ORC5: variants seen among roughly 807,000 people sequenced by gnomAD.
The protein encoded by ORC5 is origin recognition complex subunit 5.
A neutral mutation model predicts 58.8 loss-of-function variants in ORC5; 39 were observed. That is an observed-to-expected ratio of 0.66 (90% CI 0.51 to 0.87). ORC5 has a LOEUF of 0.87. Ranked by LOEUF, ORC5 falls within the 40% of genes least tolerant of loss-of-function variation. The pLI, the probability that ORC5 is intolerant of heterozygous loss-of-function variation, is 0.00. For synonymous variants in ORC5, 218 were observed against 177.6 expected, an observed-to-expected ratio of 1.23 and a Z score of -1.81; for missense variants, 493 against 506.3, an observed-to-expected ratio of 0.97 and a Z score of 0.25.
chr7:104,157,184 C>T (rs564138426), intron 12 of ORC5, among the ~76,000 whole-genome samples: 194 of 151,916 alleles, frequency 1.3e-3, no homozygotes, highest in African/African-American at 4.3e-3. Flanking sequence ...GAGAAATACT[C>T]TTTGGATGAG....
chr7:104,198,261 G>A (rs1584523838), intron 3 of ORC5, among the ~76,000 whole-genome samples: 1 of 152,194 alleles, frequency 6.6e-6, no homozygotes, highest in Non-Finnish European at 1.5e-5. Flanking sequence ...AGGATGGAGG[G>A]CTCAGAAGAC....
At position 104,200,855 on chromosome 7, in the gene ORC5, C is replaced by T; in HGVS notation, c.269G>A (p.Cys90Tyr). 9 of 1,611,726 alleles carry T rather than the reference C, an allele frequency of 5.6e-6. No individual in the cohort carries two copies. Among genetic ancestry groups the T allele is most frequent in the Non-Finnish European group, 7.6e-6 (9 of 1,177,912 alleles). The change falls in exon 3 of 14, where the codon TGT becomes TAT. Residue 90 changes from cysteine (C) to tyrosine (Y), a missense_variant. Cys to Tyr is a radical substitution (Grantham distance 194). Coordinates refer to ENST00000297431, the MANE Select transcript of ORC5 (RefSeq NM_002553.4). ...LNHLSSSEDGCSTEITCETFN... is the reference protein window; with the variant it reads ...LNHLSSSEDGYSTEITCETFN... Reference sequence around the variant, plus strand: ...TGTTTCACAGGTTATTTCAGTAGAACATCCATCCTCTGAAGAACTAAGATG... The same window carrying T: ...TGTTTCACAGGTTATTTCAGTAGAATATCCATCCTCTGAAGAACTAAGATG...
In ORC5 at chr7:104,204,212, G is replaced by A. The variant is rs1800017609; in HGVS notation, c.95C>T (p.Ser32Phe). The change falls in exon 2 of 14, where the codon TCC becomes TTC. Residue 32 changes from serine to phenylalanine, a missense_variant. Coordinates refer to ENST00000297431, the MANE Select transcript of ORC5 (RefSeq NM_002553.4). ...AGCAGTATGTCCATAAATAAAAATGGATGGAAAGCTGAAATGATGTCTCTA... is the reference window on the plus strand; with the variant it reads ...AGCAGTATGTCCATAAATAAAAATGAATGGAAAGCTGAAATGATGTCTCTA... ...FGERHHFSFP[S>F]IFIYGHTASG... The A allele has an allele frequency of 1.3e-6, 2 of 1,598,706 alleles. No homozygotes were observed. The highest frequency in any genetic ancestry group is 1.2e-5 in the South Asian group (1 of 86,956).
intron 1 of ORC5, among the ~76,000 whole-genome samples, chr7:104,205,086 C>CT (rs10672012): frequency 0.044 from 4,355 of 99,372 alleles, 360 homozygotes; most frequent in African/African-American, 0.1. Flanking sequence ...TAATAATACT[C>CT]TTTTTTTTTT....
chr7:104,135,243 TTAGA>T (rs1321012033), intron 13 of ORC5, among the ~76,000 whole-genome samples: 2 of 152,220 alleles, frequency 1.3e-5, no homozygotes, highest in African/African-American at 4.8e-5. Flanking sequence ...ATAGAGGCTC[TTAGA>T]TATAAAGTTC....
chr7:104,156,556 G>A (rs1362155848), intron 12 of ORC5, among the ~76,000 whole-genome samples: 1 of 151,508 alleles, frequency 6.6e-6, no homozygotes, highest in East Asian at 1.9e-4. Context: ...ATAAACTTTT[G>A]CTTCAGGAGA....
At chr7:104,140,017 T>C (rs947358298) in intron 12 of ORC5, among the ~76,000 whole-genome samples, 2 of 152,096 alleles carry the variant, frequency 1.3e-5, no homozygotes, top group African/African-American at 4.8e-5. Context: ...CTTTTCATTA[T>C]AATAACCCTT....
chr7:104,179,533 A>T (rs1043788288), intron 8 of ORC5, among the ~76,000 whole-genome samples: 1 of 150,922 alleles, frequency 6.6e-6, no homozygotes, highest in Non-Finnish European at 1.5e-5. Flanking sequence ...ACTATATTAG[A>T]AAGAAGTTTT....
intron 8 of ORC5, among the ~76,000 whole-genome samples, chr7:104,170,951 C>T (rs542014407): frequency 2.0e-5 from 3 of 152,108 alleles, no homozygotes; most frequent in Non-Finnish European, 4.4e-5. Context: ...CAGTCCTTTC[C>T]TCAATGTCTC....
intron 12 of ORC5, among the ~76,000 whole-genome samples, chr7:104,150,637 G>A (rs915292282): frequency 2.0e-5 from 3 of 151,918 alleles, no homozygotes; most frequent in African/African-American, 7.3e-5. Flanking sequence ...AGCAACTGAA[G>A]ATAAAGCCTC....
At chr7:104,157,990 G>A (rs1428228366) in intron 12 of ORC5, among the ~76,000 whole-genome samples, 1 of 152,014 alleles carries the variant, frequency 6.6e-6, no homozygotes, top group East Asian at 1.9e-4. Flanking sequence ...TTGGAAATAA[G>A]ATATCAGGTG....
intron 5 of ORC5, among the ~76,000 whole-genome samples, chr7:104,192,113 A>G (rs1799689535): frequency 6.6e-6 from 1 of 152,122 alleles, no homozygotes; most frequent in Non-Finnish European, 1.5e-5. Flanking sequence ...TTTCAAAAGG[A>G]GCTCATTTAT....
chr7:104,170,104 C>T (rs1799184282), intron 8 of ORC5, among the ~76,000 whole-genome samples: 1 of 152,178 alleles, frequency 6.6e-6, no homozygotes, highest in African/African-American at 2.4e-5. Flanking sequence ...TTGGCTTACA[C>T]TTCCTTTCTC....
intron 5 of ORC5, among the ~76,000 whole-genome samples, chr7:104,192,982 A>G (rs1487380452): frequency 2.0e-5 from 3 of 152,036 alleles, no homozygotes; most frequent in Non-Finnish European, 4.4e-5. Context: ...GTGGGACAAT[A>G]TAAAGTGCTC....
rs1163528895 is a variant in ORC5, at chr7:104,136,947, T to C, written c.1150-54A>G. ...GTTTTAATAAGATTATGTAATACTT[T>C]TGTTTCTGAAACATCTTATAGTCTG... On this transcript the variant is annotated intron_variant, in intron 12 of 13. Transcript: ENST00000297431. This position sits in a 1 kb window ranked among gnomAD's most constrained non-coding sequence, Gnocchi z 4.2. 22 of 1,268,096 alleles carry C rather than the reference T, an allele frequency of 1.7e-5. No homozygotes were observed. Among genetic ancestry groups the C allele is most frequent in the East Asian group, 2.4e-5 (1 of 42,302 alleles). The allele number at this position is 1,268,096 out of a possible 1,614,324, so 78.6% of individuals were successfully genotyped here. A position where few individuals can be genotyped will look rare whatever the true frequency, so the allele number is the denominator to read the frequency against.
intron 1 of ORC5, among the ~76,000 whole-genome samples, chr7:104,205,209 C>G (rs577105988): frequency 1.3e-5 from 2 of 149,854 alleles, no homozygotes; most frequent in South Asian, 4.2e-4. Context: ...CCTGCCTCAG[C>G]CTCCTGAGTA....
At chr7:104,147,758 C>T (rs1282818720) in intron 12 of ORC5, among the ~76,000 whole-genome samples, 2 of 152,178 alleles carry the variant, frequency 1.3e-5, no homozygotes, top group Non-Finnish European at 2.9e-5. Flanking sequence ...AAATTAAACA[C>T]TTGTTTTAAG....
At chr7:104,171,029 AACT>A (rs1481583331) in intron 8 of ORC5, among the ~76,000 whole-genome samples, 1 of 152,134 alleles carries the variant, frequency 6.6e-6, no homozygotes, top group Non-Finnish European at 1.5e-5. Flanking sequence ...TTTCTGAGAT[AACT>A]ACTATTGCCT....
intron 3 of ORC5, 124 bp from the exon 4 acceptor site, chr7:104,197,923 G>A: frequency 1.8e-6 from 1 of 562,836 alleles, no homozygotes; most frequent in Non-Finnish European, 3.1e-6. Context: ...TGGCAGTATT[G>A]GGAAGAGAAG....
Sources: allele counts gnomAD v4.1 joint callset (sites outside exome capture counted in the v4.1 genomes callset), GRCh38; gene constraint gnomAD v4.1.1; non-coding constraint Gnocchi (gnomAD v3.1); transcripts MANE v1.5; gene names NCBI Gene and HGNC (gene_info 2026-07-23, HGNC 2026-07-21).